ZBTB20: variants seen among roughly 807,000 people sequenced by gnomAD.
ZBTB20 encodes zinc finger and BTB domain-containing protein 20.
In ZBTB20, 9 loss-of-function variants were observed where a neutral mutation model predicts 56.9. That is an observed-to-expected ratio of 0.16 (90% confidence interval 0.10 to 0.28). ZBTB20 has a LOEUF of 0.28. Ranked by LOEUF, ZBTB20 falls within the 10% of genes least tolerant of loss-of-function variation. ZBTB20 has a pLI of 1.00. For missense variants in ZBTB20, 655 were observed against 1,003.0 expected (o/e 0.65, Z 4.69); for synonymous variants, 417 against 420.7 (o/e 0.99, Z 0.11).
chr3:114,963,528 A>G (rs182077366), intron 3 of ZBTB20, among the ~76,000 whole-genome samples: 142 of 152,300 alleles, frequency 9.3e-4, no homozygotes, highest in Non-Finnish European at 1.5e-3. Context: ...TTATTTTATA[A>G]TGCTTTCCAA....
intron 3 of ZBTB20, among the ~76,000 whole-genome samples, chr3:114,963,275 T>C (rs1576436972): frequency 6.6e-6 from 1 of 152,270 alleles, no homozygotes; most frequent in East Asian, 1.9e-4. Context: ...GGTTTAATTA[T>C]GCTTAATGAG....
chr3:114,513,813 T>C (rs1014236496), intron 6 of ZBTB20, among the ~76,000 whole-genome samples: 1 of 152,022 alleles, frequency 6.6e-6, no homozygotes, highest in Non-Finnish European at 1.5e-5. Flanking sequence ...TTCCATCTTC[T>C]AGCACTTCAT....
chr3:114,896,736 T>C (rs2074897764), intron 4 of ZBTB20, among the ~76,000 whole-genome samples: 1 of 152,094 alleles, frequency 6.6e-6, no homozygotes, highest in African/African-American at 2.4e-5. Context: ...TTGAACTGTA[T>C]ACCAAAAAAT....
At chr3:114,897,247 T>C (rs1284932624) in intron 4 of ZBTB20, among the ~76,000 whole-genome samples, 1 of 152,160 alleles carries the variant, frequency 6.6e-6, no homozygotes, top group Non-Finnish European at 1.5e-5. Context: ...TCTATTGATA[T>C]ATCTTTGTCT....
intron 5 of ZBTB20, among the ~76,000 whole-genome samples, chr3:114,795,161 C>T (rs1160787406): frequency 2.0e-5 from 3 of 152,034 alleles, no homozygotes; most frequent in East Asian, 3.9e-4. Context: ...AATTATAAGA[C>T]CTCTATTTCA....
At chr3:114,924,561 G>A (rs2076082043) in intron 3 of ZBTB20, among the ~76,000 whole-genome samples, 1 of 152,146 alleles carries the variant, frequency 6.6e-6, no homozygotes, top group South Asian at 2.1e-4. Context: ...GATGGTGGTG[G>A]AGAAAATAAG....
intron 6 of ZBTB20, among the ~76,000 whole-genome samples, chr3:114,602,387 T>C (rs1440565607): frequency 1.3e-5 from 2 of 152,160 alleles, no homozygotes; most frequent in African/African-American, 2.4e-5. Flanking sequence ...AAAGTCATTA[T>C]AGTATACGTG....
At chr3:114,532,077 G>A (rs2047913428) in intron 6 of ZBTB20, among the ~76,000 whole-genome samples, 1 of 152,188 alleles carries the variant, frequency 6.6e-6, no homozygotes, top group Non-Finnish European at 1.5e-5. Flanking sequence ...GGCAGACACT[G>A]AGCTAGCTGC....
intron 4 of ZBTB20, among the ~76,000 whole-genome samples, chr3:114,802,452 G>T (rs2071785692): frequency 6.6e-6 from 1 of 151,828 alleles, no homozygotes; most frequent in African/African-American, 2.4e-5. Context: ...CAGGTTCACA[G>T]TAAATTCACT....
At chr3:114,955,063 C>T (rs185687069) in intron 3 of ZBTB20, among the ~76,000 whole-genome samples, 7 of 152,286 alleles carry the variant, frequency 4.6e-5, no homozygotes, top group East Asian at 1.9e-4. Flanking sequence ...GCAGGTGAAT[C>T]CTGAGGTGAA....
chr3:114,967,238 A>C (rs1196436957), intron 3 of ZBTB20, among the ~76,000 whole-genome samples: 1 of 152,112 alleles, frequency 6.6e-6, no homozygotes, highest in Non-Finnish European at 1.5e-5. Flanking sequence ...AATCATCTAA[A>C]TATTAATAGA....
chr3:115,131,440 T>C (rs1055573518), intron 1 of ZBTB20, among the ~76,000 whole-genome samples: 2 of 152,212 alleles, frequency 1.3e-5, no homozygotes, highest in Non-Finnish European at 2.9e-5. Context: ...CTGAGATAGC[T>C]TTATTTCACA....
At position 114,739,800 on chromosome 3, in the gene ZBTB20, A is replaced by T. The variant is rs114217914; in HGVS notation, c.-342-46225T>A. On this transcript the variant is annotated intron_variant, in intron 5 of 11. Coordinates refer to ENST00000675478, the MANE Select transcript of ZBTB20 (RefSeq NM_001348800.3). ...TGGTAGAGGCTGAACTACAGAGCCT[A>T]GGCATTCTGACATTCCACCACTGTG... is the stretch of plus-strand genomic sequence containing the variant. Among the ~76,000 whole-genome samples the T allele has an allele frequency of 3.9e-3, 596 of 152,342 alleles. 8 individuals carry two copies. Among genetic ancestry groups the T allele is most frequent in the African/African-American group, 0.014 (569 of 41,582 alleles).
At chr3:114,884,400 AG>A (rs1166401511) in intron 4 of ZBTB20, among the ~76,000 whole-genome samples, 1 of 152,220 alleles carries the variant, frequency 6.6e-6, no homozygotes, top group South Asian at 2.1e-4. Flanking sequence ...AAATGTTCAC[AG>A]TAGACGGCCT....
chr3:114,354,669 A>G (rs2081048686), intron 10 of ZBTB20, among the ~76,000 whole-genome samples: 1 of 148,128 alleles, frequency 6.8e-6, no homozygotes, highest in African/African-American at 2.5e-5. Context: ...GCAACCTTCA[A>G]CTCCTGGGTT....
chr3:114,460,115 C>T (rs1053512382), intron 7 of ZBTB20, among the ~76,000 whole-genome samples: 5 of 152,130 alleles, frequency 3.3e-5, no homozygotes, highest in African/African-American at 1.2e-4. Flanking sequence ...CCTGGTTCCA[C>T]ACTCTTCTCA....
Position 114,338,831 on chromosome 3 carries a change from C to T in ZBTB20, c.*174G>A, listed in dbSNP as rs2079554422. 1.5e-6 allele frequency: 1 copy of T among 676,656 alleles called. No individual in the cohort carries two copies. The highest frequency in any genetic ancestry group is 2.3e-6 in the Non-Finnish European group (1 of 443,352). The allele number at this position is 676,656 out of a possible 1,614,324, so 41.9% of individuals were successfully genotyped here. A position where few individuals can be genotyped will look rare whatever the true frequency, so the allele number is the denominator to read the frequency against. On this transcript the variant is annotated 3_prime_UTR_variant, in exon 12 of 12. Coordinates refer to ENST00000675478, the MANE Select transcript of ZBTB20 (RefSeq NM_001348800.3). Reference sequence around the variant, plus strand: ...CCCAAGCCTCCGGAAATGTAATGTACCAGCAGGCAAAAAACAGTTCTTCAT... The same window carrying T: ...CCCAAGCCTCCGGAAATGTAATGTATCAGCAGGCAAAAAACAGTTCTTCAT...
intron 6 of ZBTB20, among the ~76,000 whole-genome samples, chr3:114,523,029 A>G (rs1325375310): frequency 6.6e-6 from 1 of 152,156 alleles, no homozygotes; most frequent in African/African-American, 2.4e-5. Flanking sequence ...AGCTTCAAAG[A>G]TTGAGCTCTA....
At chr3:114,936,866 T>G (rs2076551802) in intron 3 of ZBTB20, among the ~76,000 whole-genome samples, 2 of 152,062 alleles carry the variant, frequency 1.3e-5, no homozygotes. Context: ...GTATGTGAGA[T>G]AATTATTTGG....
Sources: gnomAD v4.1 joint callset for allele counts (sites outside exome capture counted in the v4.1 genomes callset) on GRCh38, gnomAD v4.1.1 for gene constraint, MANE v1.5 for transcripts, NCBI Gene and HGNC (gene_info 2026-07-23, HGNC 2026-07-21) for gene names.